Variants in RADIL observed in about 807,000 individuals in gnomAD.
The protein encoded by RADIL is Rap associating with DIL domain, also known as ras-associating and dilute domain-containing protein.
In RADIL, 99 loss-of-function variants were observed where a neutral mutation model predicts 97.6. The observed-to-expected ratio is 1.01, with a 90% CI of 0.86 to 1.20. The LOEUF (loss-of-function observed/expected upper bound fraction) is 1.20, where lower values mean the gene tolerates loss of function less well. Ranked by LOEUF, RADIL falls within the 50% of genes most tolerant of loss-of-function variation. The pLI is 0.00. For synonymous variants in RADIL, 803 were observed against 691.8 expected, an observed-to-expected ratio of 1.16 and a Z score of -2.52; for missense variants, 1,765 against 1,498.9, an observed-to-expected ratio of 1.18 and a Z score of -2.93.
In RADIL at chr7:4,877,957, GGC is replaced by G; in HGVS notation, c.181_182del (p.Ala61ProfsTer30). 6.2e-7 allele frequency: 1 copy of G among 1,610,780 alleles called. No homozygotes were observed. The highest frequency in any genetic ancestry group is 8.5e-7 in the Non-Finnish European group (1 of 1,179,974). The part of the protein sequence containing the change: ...DPAELSTQLS[A>X]PGVLKVFGDS... ...CCCCAAACACCTTCAGGACACCAGG[GGC>G]CGACAGCTGGGTGGAGAGCTCGGCG... On this transcript the variant is annotated frameshift_variant, in exon 2 of 15. Transcript: ENST00000399583. LOFTEE classifies it high-confidence loss of function.
At chr7:4,875,229 AAC>A in intron 2 of RADIL, among the ~76,000 whole-genome samples, 1 of 129,238 alleles carries the variant, frequency 7.7e-6, no homozygotes. Context: ...CAACAACAAC[AAC>A]AACAACAAAA....
Position 4,834,632 on chromosome 7 carries a change from G to T in RADIL, c.1391C>A (p.Ala464Asp). The T allele has an allele frequency of 1.5e-6, 2 of 1,350,196 alleles. No homozygotes were observed. Among genetic ancestry groups the T allele is most frequent in the Middle Eastern group, 2.0e-4 (1 of 4,960 alleles). The allele number at this position is 1,350,196 out of a possible 1,614,324, so 83.6% of individuals were successfully genotyped here. A position where few individuals can be genotyped will look rare whatever the true frequency, so the allele number is the denominator to read the frequency against. ...CCAGACAGTCTCGCGGATCAGCCTG[G>T]CTATCTTGAGCAGGAGCTGCCCGAA... Reference protein sequence around the residue: ...GTFGQLLLKIARLIRETVWEK... With the variant: ...GTFGQLLLKIDRLIRETVWEK... The change falls in exon 4 of 15, where the codon GCC (alanine) becomes GAC (aspartate). Residue 464 changes from alanine (A) to aspartate (D), a missense_variant. Coordinates refer to ENST00000399583, the MANE Select transcript of RADIL (RefSeq NM_018059.5). The surrounding 1 kb of genome is among the most constrained non-coding windows in gnomAD (Gnocchi z 6.0).
chr7:4,849,706 G>C lies in RADIL; in HGVS notation c.536-13101C>G, dbSNP rs1052846919. On this transcript the variant is annotated intron_variant, in intron 2 of 14. Coordinates refer to ENST00000399583, the MANE Select transcript of RADIL (RefSeq NM_018059.5). This position sits in a 1 kb window ranked among gnomAD's most constrained non-coding sequence, Gnocchi z 5.4. ...TTGAGGACAAAGAAAATGATACTGTGTGGGGAGTGTGGACAGGGACGGCTC... is the reference window on the plus strand; with the variant it reads ...TTGAGGACAAAGAAAATGATACTGTCTGGGGAGTGTGGACAGGGACGGCTC... Among the ~76,000 whole-genome samples the C allele has an allele frequency of 6.6e-6, 1 of 152,202 alleles. No individual in the cohort carries two copies. The highest frequency in any genetic ancestry group is 2.4e-5 in the African/African-American group (1 of 41,458).
chr7:4,800,384 T>G (rs1583253743), intron 12 of RADIL, 74 bp from the exon 13 acceptor site: 1 of 1,373,052 alleles, frequency 7.3e-7, no homozygotes, highest in African/African-American at 1.5e-5. Context: ...TGTCCTGGCC[T>G]GGCTGCCTCT....
In RADIL at chr7:4,834,417, C is replaced by T. The variant is rs1783234205; in HGVS notation, c.1416+190G>A. Among the ~76,000 whole-genome samples, 1 of 152,160 alleles carries T rather than the reference C, an allele frequency of 6.6e-6. No homozygotes were observed. Among genetic ancestry groups the T allele is most frequent in the Non-Finnish European group, 1.5e-5 (1 of 68,024 alleles). On this transcript the variant is annotated intron_variant, in intron 4 of 14. Coordinates refer to ENST00000399583, the MANE Select transcript of RADIL (RefSeq NM_018059.5). This position sits in a 1 kb window ranked among gnomAD's most constrained non-coding sequence, Gnocchi z 6.0. ...AGGGCTGCAGCTGACACCTTGGGTTCTGGGGCTGCTTCTGGTGGCCTGTGG... is the reference window on the plus strand; with the variant it reads ...AGGGCTGCAGCTGACACCTTGGGTTTTGGGGCTGCTTCTGGTGGCCTGTGG...
At chr7:4,811,479 CTTTTTTTT>C (rs35136302) in intron 9 of RADIL, among the ~76,000 whole-genome samples, 89 of 59,050 alleles carry the variant, frequency 1.5e-3, no homozygotes, top group African/African-American at 4.3e-3. Context: ...GGTATTATTT[CTTTTTTTT>C]TTTTTTTTTT....
chr7:4,836,151 G>A (rs550376157), intron 3 of RADIL, among the ~76,000 whole-genome samples: 2 of 152,362 alleles, frequency 1.3e-5, no homozygotes, highest in East Asian at 1.9e-4. Flanking sequence ...CCCCACTGCC[G>A]CCCACCGTGG....
At chr7:4,866,098 TG>T (rs1784124456) in intron 2 of RADIL, among the ~76,000 whole-genome samples, 1 of 152,314 alleles carries the variant, frequency 6.6e-6, no homozygotes, top group South Asian at 2.1e-4. Flanking sequence ...TGACTGTATA[TG>T]TTTTTTGAGT....
At chr7:4,851,795 C>A (rs931058703) in intron 2 of RADIL, among the ~76,000 whole-genome samples, 2 of 152,142 alleles carry the variant, frequency 1.3e-5, no homozygotes, top group Non-Finnish European at 2.9e-5. Flanking sequence ...AAATGCGCAG[C>A]CTTCCCAGAT....
At chr7:4,807,070 C>T (rs796344254) in intron 9 of RADIL, among the ~76,000 whole-genome samples, 13 of 152,286 alleles carry the variant, frequency 8.5e-5, no homozygotes, top group African/African-American at 2.9e-4. Flanking sequence ...CACCCCTCTG[C>T]TGGCTCTTTC....
chr7:4,799,385 G>C lies in RADIL; in HGVS notation c.3221C>G (p.Pro1074Arg), dbSNP rs1028966336. The C allele has an allele frequency of 6.2e-7, 1 of 1,613,680 alleles. No individual in the cohort carries two copies. The highest frequency in any genetic ancestry group is 8.5e-7 in the Non-Finnish European group (1 of 1,179,938). Residue 1074 changes from proline to arginine, a missense_variant, in exon 15 of 15, where the codon CCT becomes CGT. Transcript: ENST00000399583. Reference sequence around the variant, plus strand: ...GGTGTCCTCGCAGCCCCCCTAGAGAGGGGGCGTGCGGAAATGGATCTTCTT... The same window carrying C: ...GGTGTCCTCGCAGCCCCCCTAGAGACGGGGCGTGCGGAAATGGATCTTCTT... ...TAKKIHFRTP[P>R]L is the part of the protein sequence containing the mutation.
Position 4,834,761 on chromosome 7 carries a change from A to C in RADIL, c.1262T>G (p.Ile421Ser). 1 of 1,402,706 alleles carries C rather than the reference A, an allele frequency of 7.1e-7. No individual in the cohort carries two copies. Among genetic ancestry groups the C allele is most frequent in the Non-Finnish European group, 9.3e-7 (1 of 1,071,290 alleles). 86.9% of individuals were successfully genotyped at this position (1,402,706 alleles called of 1,614,324 possible). ...GCCCCCCGGCTCGATCAACGTCATG[A>C]TCCTCTGCAGCAGCGTGTCCTCCAG... ...PHLEDTLLQR[I>S]MTLIEPGGDD... Residue 421 changes from isoleucine (I) to serine (S), a missense_variant, in exon 4 of 15, where the codon ATC (isoleucine) becomes AGC (serine). Ile to Ser is a moderately radical substitution (Grantham distance 142). Transcript: ENST00000399583. This position sits in a 1 kb window ranked among gnomAD's most constrained non-coding sequence, Gnocchi z 6.0.
chr7:4,816,238 G>C lies in RADIL; in HGVS notation c.1956C>G (p.Leu652=), dbSNP rs1159974635. 6.2e-7 allele frequency: 1 copy of C among 1,610,004 alleles called. No individual in the cohort carries two copies. Among genetic ancestry groups the C allele is most frequent in the African/African-American group, 1.3e-5 (1 of 75,000 alleles). Residue 652 remains leucine, a synonymous_variant, in exon 8 of 15, where the codon CTC becomes CTG. Transcript: ENST00000399583. ...FFSGTLLLNQ[L]LDRGPSLSCF... is the part of the protein sequence containing the mutation. ...GCACGAGGCCCTCACCCCTGTCGAG[G>C]AGCTGGTTGAGAAGCAGTGTCCCGG...
rs967050287 is a variant in RADIL, at chr7:4,799,453, C to T, written c.3153G>A (p.Lys1051=). 1 of 1,613,822 alleles carries T rather than the reference C, an allele frequency of 6.2e-7. No individual in the cohort carries two copies. The highest frequency in any genetic ancestry group is 2.2e-5 in the East Asian group (1 of 44,864). Residue 1051 remains lysine, a synonymous_variant, in exon 15 of 15, where the codon AAG becomes AAA. Transcript: ENST00000399583. ...ACTTCGCGACCAGGAACCGCATCTT[C>T]TTCCCGCCATGACGGATCAGGTCCA... is the stretch of plus-strand genomic sequence containing the variant. ...RAVDLIRHGG[K]KMRFLVAKSD...
intron 2 of RADIL, among the ~76,000 whole-genome samples, chr7:4,870,636 A>G (rs28652622): frequency 0.13 from 20,262 of 151,936 alleles, 2,892 homozygotes; most frequent in African/African-American, 0.36. Context: ...TAGAGACGGG[A>G]TTTCACCATG....
chr7:4,800,085 GCCACGCAAGCTGC>G, intron 13 of RADIL, 73 bp downstream of exon 13: 1 of 1,496,078 alleles, frequency 6.7e-7, no homozygotes, highest in Non-Finnish European at 8.9e-7. Context: ...TAGCCACGTG[GCCACGCAAGCTGC>G]GGCCAGGCTT....
Position 4,860,464 on chromosome 7 carries a change from A to C in RADIL, c.535+17141T>G, listed in dbSNP as rs1553960. 9.9e-6 allele frequency: 16 copies of C among 1,613,870 alleles called. No homozygotes were observed. In the South Asian group the frequency reaches 1.2e-4, roughly 12 times the overall value. On this transcript the variant is annotated intron_variant, in intron 2 of 14. Transcript: ENST00000399583. Reference sequence around the variant, plus strand: ...TGAGATCAATGCTGAGAATTTCAGAATTATCTGGCTTTTTTAGCCCTAACC... The same window carrying C: ...TGAGATCAATGCTGAGAATTTCAGACTTATCTGGCTTTTTTAGCCCTAACC...
At position 4,840,912 on chromosome 7, in the gene RADIL, A is replaced by G. The variant is rs1448798023; in HGVS notation, c.536-4307T>C. Among the ~76,000 whole-genome samples, 2 of 152,208 alleles carry G rather than the reference A, an allele frequency of 1.3e-5. No individual in the cohort carries two copies. The highest frequency in any genetic ancestry group is 4.8e-5 in the African/African-American group (2 of 41,460). On this transcript the variant is annotated intron_variant, in intron 2 of 14. Coordinates refer to ENST00000399583, the MANE Select transcript of RADIL (RefSeq NM_018059.5). This position sits in a 1 kb window ranked among gnomAD's most constrained non-coding sequence, Gnocchi z 5.6. ...AACCCAGGAGGTGGAGGTTGCAGTG[A>G]CCTGAGATCGCACCACTGCACTCCA...
chr7:4,832,290 C>T, intron 4 of RADIL, 112 bp from the exon 5 acceptor site: 1 of 1,020,328 alleles, frequency 9.8e-7, no homozygotes, highest in East Asian at 2.6e-5. Context: ...CCCCAGGCAT[C>T]CTGTGTGACG....
Sources: allele counts gnomAD v4.1 joint callset (sites outside exome capture counted in the v4.1 genomes callset), GRCh38; gene constraint gnomAD v4.1.1; non-coding constraint Gnocchi (gnomAD v3.1); transcripts MANE v1.5; gene names NCBI Gene and HGNC (gene_info 2026-07-23, HGNC 2026-07-21).